The following PKHD1L1 variants were observed in gnomAD, a reference collection of about 807,000 sequenced individuals.
The protein encoded by PKHD1L1 is fibrocystin-L.
A neutral mutation model predicts 462.9 loss-of-function variants in PKHD1L1; 434 were observed. The observed-to-expected ratio is 0.94, with a 90% confidence interval of 0.87 to 1.02. The LOEUF is 1.02. Among genes scored for constraint, PKHD1L1 ranks in the 50% least tolerant of loss-of-function variants. The pLI, the probability that PKHD1L1 is intolerant of heterozygous loss-of-function variation, is 0.00. For missense variants in PKHD1L1, 5,202 were observed against 5,096.1 expected, an observed-to-expected ratio of 1.02 and a Z score of -0.63; for synonymous variants, 1,781 against 1,750.0, an observed-to-expected ratio of 1.02 and a Z score of -0.44.
chr8:109,384,010 T>G (rs1430943899), intron 4 of PKHD1L1, 60 bp from the exon 5 acceptor site: 2 of 1,138,304 alleles, frequency 1.8e-6, no homozygotes, highest in Non-Finnish European at 2.7e-6. Context: ...AATTATCTAT[T>G]TCACAAAACT....
chr8:109,496,687 C>T (rs1819104500), intron 63 of PKHD1L1, among the ~76,000 whole-genome samples: 1 of 152,044 alleles, frequency 6.6e-6, no homozygotes. Flanking sequence ...GAGTTTGAGA[C>T]GAGTTTGAGT....
At chr8:109,482,376 G>GT (rs1196092630) in intron 56 of PKHD1L1, among the ~76,000 whole-genome samples, 2 of 151,748 alleles carry the variant, frequency 1.3e-5, no homozygotes, top group African/African-American at 4.8e-5. Flanking sequence ...ACATAGAACA[G>GT]TATGAAGAAA....
At chr8:109,456,417 T>A in intron 46 of PKHD1L1, 26 bp downstream of exon 46, 1 of 1,567,602 alleles carries the variant, frequency 6.4e-7, no homozygotes, top group Non-Finnish European at 8.6e-7. Flanking sequence ...GGCTTAATGA[T>A]GTGTATTTAG....
At chr8:109,384,415 C>G (rs1257355528) in intron 5 of PKHD1L1, among the ~76,000 whole-genome samples, 1 of 151,872 alleles carries the variant, frequency 6.6e-6, no homozygotes, top group African/African-American at 2.4e-5. Context: ...TGGTGGCAAG[C>G]ACCTTTAGTC....
intron 38 of PKHD1L1, 98 bp downstream of exon 38, chr8:109,445,743 G>A (rs1816102182): frequency 1.6e-6 from 2 of 1,241,726 alleles, no homozygotes; most frequent in African/African-American, 1.5e-5. Flanking sequence ...ATTAAGGTGT[G>A]TTTATAAATG....
At chr8:109,528,664 T>G (rs139660742) in intron 77 of PKHD1L1, among the ~76,000 whole-genome samples, 2 of 152,340 alleles carry the variant, frequency 1.3e-5, no homozygotes, top group Admixed American at 1.3e-4. Flanking sequence ...TCCTCTCCCT[T>G]GGTCTCCAAT....
Position 109,445,179 on chromosome 8 carries a change from A to G in PKHD1L1, c.5310A>G (p.Glu1770=). Residue 1770 remains glutamate (E), a synonymous_variant, in exon 38 of 78, where the codon GAA becomes GAG. Coordinates refer to ENST00000378402, the MANE Select transcript of PKHD1L1 (RefSeq NM_177531.6). ...IGSVKVLIEG[E]GLGTVLEDIA... Reference sequence around the variant, plus strand: ...CTGTAAAAGTTCTTATTGAAGGAGAAGGTTTGGGGACTGTTTTGGAGGACA... The same window carrying G: ...CTGTAAAAGTTCTTATTGAAGGAGAGGGTTTGGGGACTGTTTTGGAGGACA... 6.2e-7 allele frequency: 1 copy of G among 1,613,970 alleles called. No homozygotes were observed. The highest frequency in any genetic ancestry group is 2.2e-5 in the East Asian group (1 of 44,888).
chr8:109,407,594 A>G (rs1813625710), intron 17 of PKHD1L1, among the ~76,000 whole-genome samples: 1 of 152,190 alleles, frequency 6.6e-6, no homozygotes, highest in South Asian at 2.1e-4. Context: ...CATGGTATGA[A>G]CAAACCTCAC....
intron 4 of PKHD1L1, among the ~76,000 whole-genome samples, chr8:109,383,380 G>A (rs1471582623): frequency 3.7e-5 from 4 of 106,920 alleles, no homozygotes; most frequent in East Asian, 2.4e-4. Flanking sequence ...TATATAGTAT[G>A]TATATTATAT....
intron 28 of PKHD1L1, 85 bp downstream of exon 28, chr8:109,433,301 T>G: frequency 1.8e-6 from 2 of 1,113,186 alleles, no homozygotes; most frequent in Admixed American, 3.9e-5. Context: ...ATTATCTTGA[T>G]CGTGTACAAT....
intron 72 of PKHD1L1, among the ~76,000 whole-genome samples, chr8:109,517,965 G>A (rs1820357260): frequency 1.3e-5 from 2 of 151,878 alleles, no homozygotes; most frequent in African/African-American, 4.8e-5. Context: ...GATTATTTGT[G>A]GTATTTTTTA....
chr8:109,420,476 T>G (rs1336956946), intron 22 of PKHD1L1, 42 bp from the exon 23 acceptor site: 1 of 1,329,390 alleles, frequency 7.5e-7, no homozygotes, highest in South Asian at 1.8e-5. Context: ...AAAACCACAG[T>G]TACTTTTACA....
chr8:109,419,366 T>A (rs958473348), intron 22 of PKHD1L1, 106 bp downstream of exon 22: 3 of 772,454 alleles, frequency 3.9e-6, no homozygotes, highest in African/African-American at 3.5e-5. Context: ...AATATCTAAA[T>A]ATTAATGAGT....
At chr8:109,379,303 T>C (rs532276502) in intron 2 of PKHD1L1, among the ~76,000 whole-genome samples, 21 of 152,296 alleles carry the variant, frequency 1.4e-4, no homozygotes, top group African/African-American at 4.6e-4. Context: ...TTTCTACAGT[T>C]CTCTGTCAGC....
intron 38 of PKHD1L1, 40 bp downstream of exon 38, chr8:109,445,685 T>TA: frequency 6.8e-7 from 1 of 1,476,866 alleles, no homozygotes; most frequent in Non-Finnish European, 9.3e-7. Context: ...TATTATAGTA[T>TA]CGATAATATT....
Position 109,452,240 on chromosome 8 carries a change from C to T in PKHD1L1, c.6467C>T (p.Pro2156Leu). Residue 2156 changes from proline to leucine, a missense_variant, in exon 42 of 78, where the codon CCA (proline) becomes CTA (leucine). Around this residue, in one of 3 missense-constraint regions of PKHD1L1, gnomAD observed 4,497 missense variants for 4,336.8 expected, o/e 1.04. Coordinates refer to ENST00000378402, the MANE Select transcript of PKHD1L1 (RefSeq NM_177531.6). ...TDAHTLSGWAPVCVHIRGVGM... is the reference protein window; with the variant it reads ...TDAHTLSGWALVCVHIRGVGM... ...GCCCATACTCTATCAGGGTGGGCTCCAGTTTGTGTCCACATCAGAGGTGTC... is the reference window on the plus strand; with the variant it reads ...GCCCATACTCTATCAGGGTGGGCTCTAGTTTGTGTCCACATCAGAGGTGTC... 6.2e-7 allele frequency: 1 copy of T among 1,610,936 alleles called. No individual in the cohort carries two copies. The highest frequency in any genetic ancestry group is 1.1e-5 in the South Asian group (1 of 90,462).
rs577030676 is a variant in PKHD1L1, at chr8:109,518,075, C to A, written c.11690-92C>A. 6.1e-5 allele frequency: 50 copies of A among 823,026 alleles called. No individual in the cohort carries two copies. In the South Asian group the frequency reaches 1.1e-3, roughly 18 times the overall value. 51.0% of individuals were successfully genotyped at this position (823,026 alleles called of 1,614,324 possible). ...GAATGATAAAGTTGAATTTGGGGGACTTTCTAAATTCAAACAAACATTAAG... is the reference window on the plus strand; with the variant it reads ...GAATGATAAAGTTGAATTTGGGGGAATTTCTAAATTCAAACAAACATTAAG... On this transcript the variant is annotated intron_variant, in intron 72 of 77. Coordinates refer to ENST00000378402, the MANE Select transcript of PKHD1L1 (RefSeq NM_177531.6).
rs750608284 is a variant in PKHD1L1 at position 109,443,002 on chromosome 8, G to A, written c.4450G>A (p.Val1484Ile). The A allele has an allele frequency of 1.9e-6, 3 of 1,613,540 alleles. No homozygotes were observed. In the South Asian group the frequency reaches 3.3e-5, roughly 18 times the overall value. The stretch of plus-strand genomic sequence containing the variant: ...AATCCATTATTATAGCAGCGGGTAT[G>A]TTGATGAGGCTCACTCCATTTTTCT... Reference protein sequence around the residue: ...PGIHYYSSGYVDEAHSIFLQG... With the variant: ...PGIHYYSSGYIDEAHSIFLQG... Residue 1484 changes from valine to isoleucine, a missense_variant, in exon 36 of 78, where the codon GTT (valine) becomes ATT (isoleucine). Val to Ile is a conservative substitution (Grantham distance 29). This residue lies in a region of PKHD1L1 where 4,497 missense variants were observed against 4,336.8 expected (regional missense o/e 1.04). Transcript: ENST00000378402.
chr8:109,433,350 G>A (rs1313360638), intron 28 of PKHD1L1, 134 bp downstream of exon 28: 2 of 785,782 alleles, frequency 2.5e-6, no homozygotes, highest in Non-Finnish European at 4.1e-6. Flanking sequence ...GATCCCTATG[G>A]GGTCATGAAA....
Sources: allele counts gnomAD v4.1 joint callset (sites outside exome capture counted in the v4.1 genomes callset), GRCh38; gene constraint gnomAD v4.1.1; regional missense constraint gnomAD v4.1.1; transcripts MANE v1.5; gene names NCBI Gene and HGNC (gene_info 2026-07-23, HGNC 2026-07-21).